The following ARHGAP35 variants were observed in gnomAD, a reference collection of about 807,000 sequenced individuals.
The protein encoded by ARHGAP35 is Rho GTPase activating protein 35.
In ARHGAP35, 15 loss-of-function variants were observed where a neutral mutation model predicts 111.1. The observed-to-expected ratio is 0.13, with a 90% CI of 0.09 to 0.21. The LOEUF (loss-of-function observed/expected upper bound fraction) is 0.21. Among genes scored for constraint, ARHGAP35 ranks in the 10% least tolerant of loss-of-function variants. ARHGAP35 has a pLI of 1.00. For missense variants in ARHGAP35, 1,262 were observed against 1,873.0 expected (o/e 0.67, Z 6.02); for synonymous variants, 643 against 710.3 (o/e 0.91, Z 1.51).
chr19:46,881,598 T>C (rs2055962815), intron 1 of ARHGAP35, among the ~76,000 whole-genome samples: 1 of 152,220 alleles, frequency 6.6e-6, no homozygotes, highest in African/African-American at 2.4e-5. Context: ...TAAACAGATG[T>C]GCTGTCATCC....
intron 2 of ARHGAP35, among the ~76,000 whole-genome samples, chr19:46,923,552 T>C (rs975082369): frequency 6.6e-6 from 1 of 152,094 alleles, no homozygotes; most frequent in Non-Finnish European, 1.5e-5. Context: ...TTCTTTTTTT[T>C]TTCCATTTGG....
chr19:46,892,827 C>G (rs895271608), intron 1 of ARHGAP35, among the ~76,000 whole-genome samples: 1 of 152,020 alleles, frequency 6.6e-6, no homozygotes, highest in Non-Finnish European at 1.5e-5. Context: ...TCAGGCCGGA[C>G]CACTTGCTTT....
intron 1 of ARHGAP35, among the ~76,000 whole-genome samples, chr19:46,861,660 C>T (rs145684322): frequency 1.6e-4 from 25 of 152,136 alleles, no homozygotes; most frequent in African/African-American, 5.8e-4. Context: ...ATTGTGGCTC[C>T]CACTTTTGAG....
In ARHGAP35 at chr19:46,989,577, C is replaced by A. The variant is rs577821199; in HGVS notation, c.3938C>A (p.Thr1313Lys). 1.9e-6 allele frequency: 3 copies of A among 1,613,944 alleles called. No homozygotes were observed. The highest frequency in any genetic ancestry group is 2.5e-6 in the Non-Finnish European group (3 of 1,179,854). ...HNLDLAEKDF[T>K]VNTVAGAMKS... ...CTGGACCTGGCAGAGAAAGACTTTA[C>A]GGTGAATACCGTGGCTGGTGCCATG... Residue 1313 changes from threonine (T) to lysine (K), a missense_variant, in exon 5 of 7, where the codon ACG (threonine) becomes AAG (lysine). This residue lies in a region of ARHGAP35 where 45 missense variants were observed against 118.2 expected (regional missense o/e 0.38). Coordinates refer to ENST00000672722, the MANE Select transcript of ARHGAP35 (RefSeq NM_004491.5). This position sits in a 1 kb window ranked among gnomAD's most constrained non-coding sequence, Gnocchi z 5.3.
rs895861314 is a variant in ARHGAP35, at chr19:46,901,544, C to T, written c.-188-16944C>T. 3.3e-5 allele frequency among the ~76,000 whole-genome samples: 5 copies of T among 152,098 alleles called. No homozygotes were observed. The highest frequency in any genetic ancestry group is 1.2e-4 in the African/African-American group (5 of 41,412). On this transcript the variant is annotated intron_variant, in intron 1 of 6. Transcript: ENST00000672722. The surrounding 1 kb of genome is among the most constrained non-coding windows in gnomAD (Gnocchi z 4.5). Reference sequence around the variant, plus strand: ...CTGCACTCCAGCCTGGGTGACAGAGCTTAGACTCTGTCTCACACAAAAAAA... The same window carrying T: ...CTGCACTCCAGCCTGGGTGACAGAGTTTAGACTCTGTCTCACACAAAAAAA...
chr19:47,000,221 C>T lies in ARHGAP35; in HGVS notation c.4143-110C>T, dbSNP rs978809251. 3 of 1,201,418 alleles carry T rather than the reference C, an allele frequency of 2.5e-6. No individual in the cohort carries two copies. The highest frequency in any genetic ancestry group is 3.0e-5 in the African/African-American group (2 of 65,646). The allele number at this position is 1,201,418 out of a possible 1,614,324, so 74.4% of individuals were successfully genotyped here. On this transcript the variant is annotated intron_variant, in intron 6 of 6. Coordinates refer to ENST00000672722, the MANE Select transcript of ARHGAP35 (RefSeq NM_004491.5). The surrounding 1 kb of genome is among the most constrained non-coding windows in gnomAD (Gnocchi z 6.9). Reference sequence around the variant, plus strand: ...AGAGCTGCGCATGGCCTTTTCTGCTCCACCTGAGGGAAGAAAGGTGGGCTC... The same window carrying T: ...AGAGCTGCGCATGGCCTTTTCTGCTTCACCTGAGGGAAGAAAGGTGGGCTC...
intron 5 of ARHGAP35, among the ~76,000 whole-genome samples, chr19:46,991,036 C>T (rs2056676667): frequency 6.6e-6 from 1 of 152,182 alleles, no homozygotes; most frequent in Non-Finnish European, 1.5e-5. Flanking sequence ...ATAGAGTAGC[C>T]TGCTTTCTGA....
chr19:46,959,251 G>A lies in ARHGAP35; in HGVS notation c.3826+21843G>A, dbSNP rs376442522. Among the ~76,000 whole-genome samples the A allele has an allele frequency of 7.9e-5, 12 of 151,966 alleles. No individual in the cohort carries two copies. The East Asian group carries it at 1.9e-3, about 24-fold the overall frequency. ...GGCTACTTTTTTGTATTTTTTGTAGGATGGGGTTTTGCCATGTTGCCAGGC... is the reference window on the plus strand; with the variant it reads ...GGCTACTTTTTTGTATTTTTTGTAGAATGGGGTTTTGCCATGTTGCCAGGC... On this transcript the variant is annotated intron_variant, in intron 3 of 6. Coordinates refer to ENST00000672722, the MANE Select transcript of ARHGAP35 (RefSeq NM_004491.5).
Position 46,988,173 on chromosome 19 carries a change from C to A in ARHGAP35, c.3904+107C>A. 2.8e-6 allele frequency: 3 copies of A among 1,054,510 alleles called. No individual in the cohort carries two copies. Among genetic ancestry groups the A allele is most frequent in the Admixed American group, 2.0e-5 (1 of 49,180 alleles). 65.3% of individuals were successfully genotyped at this position (1,054,510 alleles called of 1,614,324 possible). A position where few individuals can be genotyped will look rare whatever the true frequency, so the allele number is the denominator to read the frequency against. ...TTCGGAGCACTCCTGCCAGCACAGA[C>A]CCAAAGCCACGAGGTGCTGAGACTG... is the stretch of plus-strand genomic sequence containing the variant. On this transcript the variant is annotated intron_variant, in intron 4 of 6. Transcript: ENST00000672722. The surrounding 1 kb of genome is among the most constrained non-coding windows in gnomAD (Gnocchi z 5.4).
Position 46,922,383 on chromosome 19 carries a change from T to C in ARHGAP35, c.3681+27T>C, listed in dbSNP as rs1429919875. 2.6e-6 allele frequency: 4 copies of C among 1,531,830 alleles called. No individual in the cohort carries two copies. Among genetic ancestry groups the C allele is most frequent in the Middle Eastern group, 1.7e-4 (1 of 5,720 alleles). The allele number at this position is 1,531,830 out of a possible 1,614,324, so 94.9% of individuals were successfully genotyped here. On this transcript the variant is annotated intron_variant, in intron 2 of 6. Coordinates refer to ENST00000672722, the MANE Select transcript of ARHGAP35 (RefSeq NM_004491.5). The surrounding 1 kb of genome is among the most constrained non-coding windows in gnomAD (Gnocchi z 4.0). Reference sequence around the variant, plus strand: ...TAAGACACCAGTCTAGGATTAGTCATAGTGTTTTGTACAGCGTCTCGGTGA... The same window carrying C: ...TAAGACACCAGTCTAGGATTAGTCACAGTGTTTTGTACAGCGTCTCGGTGA...
chr19:46,984,511 C>T (rs886579033), intron 3 of ARHGAP35, among the ~76,000 whole-genome samples: 1 of 152,214 alleles, frequency 6.6e-6, no homozygotes, highest in African/African-American at 2.4e-5. Flanking sequence ...GTGGTGTTTG[C>T]AGCCTGCTCT....
At position 46,937,251 on chromosome 19, in the gene ARHGAP35, C is replaced by G; in HGVS notation, c.3682-13C>G. 1 of 1,613,362 alleles carries G rather than the reference C, an allele frequency of 6.2e-7. No homozygotes were observed. Among genetic ancestry groups the G allele is most frequent in the Non-Finnish European group, 8.5e-7 (1 of 1,179,546 alleles). ...ACTTTGTTTTTGTGCTTCCCTTTCT[C>G]TTTCCTGGACAGAAACCAAAGCCCA... On this transcript the variant is annotated splice_polypyrimidine_tract_variant and intron_variant, in intron 2 of 6. Coordinates refer to ENST00000672722, the MANE Select transcript of ARHGAP35 (RefSeq NM_004491.5).
At chr19:46,882,139 T>C (rs1599797200) in intron 1 of ARHGAP35, among the ~76,000 whole-genome samples, 1 of 134,036 alleles carries the variant, frequency 7.5e-6, no homozygotes, top group South Asian at 2.3e-4. Context: ...TTTCTTTCCC[T>C]TTTTTTTTTT....
At position 46,988,336 on chromosome 19, in the gene ARHGAP35, C is replaced by T. The variant is rs919581798; in HGVS notation, c.3904+270C>T. ...CTCACAGATGCTCTTCCAGGTTGCC[C>T]GGGCACATGCCTCCCTCACCACACT... On this transcript the variant is annotated intron_variant, in intron 4 of 6. Transcript: ENST00000672722. This position sits in a 1 kb window ranked among gnomAD's most constrained non-coding sequence, Gnocchi z 5.4. 20 of 437,090 alleles carry T rather than the reference C, an allele frequency of 4.6e-5. No individual in the cohort carries two copies. The highest frequency in any genetic ancestry group is 6.7e-4 in the Middle Eastern group (1 of 1,502). 27.1% of individuals were successfully genotyped at this position (437,090 alleles called of 1,614,324 possible).
At chr19:46,969,597 G>A (rs544056096) in intron 3 of ARHGAP35, among the ~76,000 whole-genome samples, 4 of 152,302 alleles carry the variant, frequency 2.6e-5, no homozygotes, top group South Asian at 2.1e-4. Context: ...CGTGAGCTGC[G>A]ACACACAGAC....
intron 1 of ARHGAP35, among the ~76,000 whole-genome samples, chr19:46,866,332 C>T (rs11880829): frequency 0.013 from 1,957 of 152,258 alleles, 44 homozygotes; most frequent in African/African-American, 0.044. Context: ...GGAAAATCAG[C>T]GCGTAGTCTA....
intron 1 of ARHGAP35, among the ~76,000 whole-genome samples, chr19:46,867,495 A>G (rs74671664): frequency 3.3e-5 from 5 of 152,316 alleles, no homozygotes; most frequent in Non-Finnish European, 5.9e-5. Context: ...CTTTGTGACT[A>G]GCCAAATCAT....
At chr19:46,917,828 C>T (rs560177694) in intron 1 of ARHGAP35, among the ~76,000 whole-genome samples, 1 of 152,008 alleles carries the variant, frequency 6.6e-6, no homozygotes, top group South Asian at 2.1e-4. Flanking sequence ...ATTCTCCTGC[C>T]TCAGCCTCCC....
chr19:46,950,982 T>A (rs1323271865), intron 3 of ARHGAP35, among the ~76,000 whole-genome samples: 1 of 152,178 alleles, frequency 6.6e-6, no homozygotes, highest in Non-Finnish European at 1.5e-5. Context: ...AGTCAAGAAA[T>A]GAGGCTCTTA....
Sources: gnomAD v4.1 joint callset for allele counts (sites outside exome capture counted in the v4.1 genomes callset) on GRCh38, gnomAD v4.1.1 for gene constraint, gnomAD v4.1.1 regional missense constraint, Gnocchi (gnomAD v3.1) non-coding constraint, MANE v1.5 for transcripts, NCBI Gene and HGNC (gene_info 2026-07-23, HGNC 2026-07-21) for gene names.